Variants in RNF180 observed in about 807,000 individuals in gnomAD.
RNF180 encodes the protein E3 ubiquitin-protein ligase RNF180.
Under a neutral mutation model 59.2 loss-of-function variants are expected in RNF180, and 38 were observed. The ratio of observed to expected loss-of-function variants is 0.64; its 90% CI spans 0.50 to 0.84. The LOEUF (loss-of-function observed/expected upper bound fraction) is 0.84, where lower values mean the gene tolerates loss of function less well. Among genes scored for constraint, RNF180 ranks in the 40% least tolerant of loss-of-function variants. The pLI is 0.00. For synonymous variants in RNF180, 262 were observed against 240.3 expected, an observed-to-expected ratio of 1.09 and a Z score of -0.84; for missense variants, 705 against 700.9, an observed-to-expected ratio of 1.01 and a Z score of -0.07.
intron 5 of RNF180, among the ~76,000 whole-genome samples, chr5:64,266,134 G>A (rs1167389587): frequency 5.9e-5 from 9 of 152,146 alleles, no homozygotes; most frequent in African/African-American, 2.2e-4. Context: ...AAACAATGGG[G>A]TTTTCCAGAT....
At position 64,192,245 on chromosome 5, in the gene RNF180, C is replaced by T. The variant is rs114306383; in HGVS notation, c.1-8563C>T. On this transcript the variant is annotated intron_variant, in intron 1 of 7. Transcript: ENST00000389100. ...AATATCAGTAATCATCAGGGAAAGG[C>T]AGTTCAGAATTACAATGAAATATTG... Among the ~76,000 whole-genome samples the T allele has an allele frequency of 8.9e-3, 1,351 of 151,532 alleles. 21 individuals carry two copies. Among genetic ancestry groups the T allele is most frequent in the African/African-American group, 0.03 (1,218 of 41,224 alleles).
chr5:64,214,290 G>C lies in RNF180; in HGVS notation c.964G>C (p.Asp322His). ...TCTAGAAGCTGCTTCAGTGTATTCTGACCATACTAATACTAACAATCTGAC... is the reference window on the plus strand; with the variant it reads ...TCTAGAAGCTGCTTCAGTGTATTCTCACCATACTAATACTAACAATCTGAC... ...CGLEAASVYS[D>H]HTNTNNLTFL... The change falls in exon 4 of 8, where the codon GAC becomes CAC. Residue 322 changes from aspartate (D) to histidine (H), a missense_variant. Physicochemically the swap from Asp to His is moderately conservative, Grantham distance 81 (BLOSUM62 -1). Transcript: ENST00000389100. 6.2e-7 allele frequency: 1 copy of C among 1,613,974 alleles called. No homozygotes were observed. Among genetic ancestry groups the C allele is most frequent in the South Asian group, 1.1e-5 (1 of 91,052 alleles).
intron 6 of RNF180, among the ~76,000 whole-genome samples, chr5:64,329,018 A>G (rs112536167): frequency 9.1e-4 from 139 of 152,312 alleles, no homozygotes; most frequent in Middle Eastern, 3.4e-3. Flanking sequence ...GAATACCATC[A>G]TATATGTTCT....
intron 6 of RNF180, among the ~76,000 whole-genome samples, chr5:64,327,400 A>G (rs1744695493): frequency 6.6e-6 from 1 of 151,860 alleles, no homozygotes; most frequent in Admixed American, 6.6e-5. Flanking sequence ...AAATCCTTCT[A>G]GTGCTTTGAT....
intron 5 of RNF180, among the ~76,000 whole-genome samples, chr5:64,271,598 C>T (rs9291806): frequency 0.28 from 42,774 of 151,696 alleles, 6,235 homozygotes; most frequent in African/African-American, 0.34. Context: ...AATTGCCTAA[C>T]GACACATTTC....
intron 5 of RNF180, among the ~76,000 whole-genome samples, chr5:64,233,173 A>G (rs1159672912): frequency 6.6e-6 from 1 of 152,240 alleles, no homozygotes; most frequent in Non-Finnish European, 1.5e-5. Context: ...ATATATTACT[A>G]TAAGGTTGTT....
intron 5 of RNF180, among the ~76,000 whole-genome samples, chr5:64,297,417 TC>T (rs1742941086): frequency 6.6e-6 from 1 of 152,030 alleles, no homozygotes; most frequent in Non-Finnish European, 1.5e-5. Context: ...TATAAATCCC[TC>T]AAAATTTGGC....
intron 5 of RNF180, among the ~76,000 whole-genome samples, chr5:64,309,868 T>G (rs1743674221): frequency 6.6e-6 from 1 of 151,688 alleles, no homozygotes; most frequent in South Asian, 2.1e-4. Flanking sequence ...GCTTTTATAT[T>G]TATATTAATT....
rs1746619804 is a variant in RNF180 at position 64,370,353 on chromosome 5, T to A, written c.*539T>A. 1 of 151,860 alleles carries A rather than the reference T, an allele frequency of 6.6e-6. No homozygotes were observed. Among genetic ancestry groups the A allele is most frequent in the African/African-American group, 2.4e-5 (1 of 41,396 alleles). The allele number at this position is 151,860 out of a possible 1,614,324, so 9.4% of individuals were successfully genotyped here. A position where few individuals can be genotyped will look rare whatever the true frequency, so the allele number is the denominator to read the frequency against. ...TTCTAGTACCAAGAAAACTGACTAT[T>A]CTTTTTGTACAGATCTAATTAGTAC... On this transcript the variant is annotated 3_prime_UTR_variant, in exon 8 of 8. Coordinates refer to ENST00000389100, the MANE Select transcript of RNF180 (RefSeq NM_001113561.2).
intron 5 of RNF180, among the ~76,000 whole-genome samples, chr5:64,252,772 C>A (rs2112282250): frequency 6.6e-6 from 1 of 152,180 alleles, no homozygotes; most frequent in South Asian, 2.1e-4. Flanking sequence ...GGCTTCATGA[C>A]ATGGGGGTTG....
chr5:64,228,697 C>A (rs1054848815), intron 5 of RNF180, among the ~76,000 whole-genome samples: 3 of 151,998 alleles, frequency 2.0e-5, no homozygotes, highest in Non-Finnish European at 4.4e-5. Flanking sequence ...CATTATAAGT[C>A]ATTACCCTAA....
intron 5 of RNF180, among the ~76,000 whole-genome samples, chr5:64,323,029 A>G (rs1744451807): frequency 6.6e-6 from 1 of 152,214 alleles, no homozygotes. Context: ...ATGAAAAAGC[A>G]TTGTTAAATA....
chr5:64,287,797 T>C (rs1742364784), intron 5 of RNF180, among the ~76,000 whole-genome samples: 1 of 152,314 alleles, frequency 6.6e-6, no homozygotes, highest in South Asian at 2.1e-4. Context: ...TTAAGTTCCT[T>C]GTAGACTCTG....
At chr5:64,172,798 A>G (rs1382499386) in intron 1 of RNF180, among the ~76,000 whole-genome samples, 3 of 152,174 alleles carry the variant, frequency 2.0e-5, no homozygotes, top group Admixed American at 6.5e-5. Flanking sequence ...TGAGAGAAGT[A>G]GGAGGGGGCT....
chr5:64,181,475 C>T lies in RNF180; in HGVS notation c.-1+15522C>T, dbSNP rs570819805. On this transcript the variant is annotated intron_variant, in intron 1 of 7. Transcript: ENST00000389100. The stretch of plus-strand genomic sequence containing the variant: ...TTACAGTTTTTTAAATGGGTTTCCT[C>T]TCCCAGAAAAACAGGTAGGCAATAA... Among the ~76,000 whole-genome samples, 15 of 152,318 alleles carry T rather than the reference C, an allele frequency of 9.8e-5. No homozygotes were observed. The Middle Eastern group carries it at 0.014, about 138-fold the overall frequency.
At chr5:64,351,123 A>G (rs1445281449) in intron 7 of RNF180, among the ~76,000 whole-genome samples, 1 of 151,914 alleles carries the variant, frequency 6.6e-6, no homozygotes. Context: ...GAGGTCCTTC[A>G]CATCCCTTGT....
intron 1 of RNF180, among the ~76,000 whole-genome samples, chr5:64,176,923 A>C (rs543828606): frequency 1.1e-4 from 16 of 152,336 alleles, no homozygotes; most frequent in African/African-American, 3.8e-4. Context: ...GCAGCAAGGA[A>C]TGAAGAGAAT....
rs529420550 is a variant in RNF180, at chr5:64,369,852, G to A, written c.*38G>A. The A allele has an allele frequency of 8.9e-7, 1 of 1,127,656 alleles. No homozygotes were observed. The highest frequency in any genetic ancestry group is 1.2e-6 in the Non-Finnish European group (1 of 845,628). The allele number at this position is 1,127,656 out of a possible 1,614,324, so 69.9% of individuals were successfully genotyped here. A position where few individuals can be genotyped will look rare whatever the true frequency, so the allele number is the denominator to read the frequency against. Reference sequence around the variant, plus strand: ...TTACTACAATTGACCAATCATAAATGATGTAAATAACAATTGCTTAAACAT... The same window carrying A: ...TTACTACAATTGACCAATCATAAATAATGTAAATAACAATTGCTTAAACAT... On this transcript the variant is annotated 3_prime_UTR_variant, in exon 8 of 8. Coordinates refer to ENST00000389100, the MANE Select transcript of RNF180 (RefSeq NM_001113561.2).
chr5:64,218,766 C>T (rs2112142287), intron 5 of RNF180, among the ~76,000 whole-genome samples: 1 of 152,250 alleles, frequency 6.6e-6, no homozygotes, highest in East Asian at 1.9e-4. Flanking sequence ...TTCCAGCATT[C>T]AGAACCTGTG....
Sources: gnomAD v4.1 joint callset for allele counts (sites outside exome capture counted in the v4.1 genomes callset) on GRCh38, gnomAD v4.1.1 for gene constraint, MANE v1.5 for transcripts, NCBI Gene and HGNC (gene_info 2026-07-23, HGNC 2026-07-21) for gene names.